The following VAPA variants were observed in gnomAD, a reference collection of about 807,000 sequenced individuals.
VAPA encodes the protein VAMP associated protein A, also known as vesicle-associated membrane protein-associated protein A.
A neutral mutation model predicts 25.6 loss-of-function variants in VAPA; 6 were observed. The observed-to-expected ratio is 0.23, with a 90% CI of 0.13 to 0.46. The LOEUF (loss-of-function observed/expected upper bound fraction) is 0.46. Ranked by LOEUF, VAPA falls within the 20% of genes least tolerant of loss-of-function variation. VAPA has a pLI of 0.99. For synonymous variants in VAPA, 112 were observed against 106.2 expected, an observed-to-expected ratio of 1.05 and a Z score of -0.34; for missense variants, 244 against 302.1, an observed-to-expected ratio of 0.81 and a Z score of 1.43.
At position 9,956,592 on chromosome 18, in the gene VAPA, G is replaced by C. The variant is rs2069553760; in HGVS notation, c.*2381G>C. The stretch of plus-strand genomic sequence containing the variant: ...GGAGATGCTCTGATTGTATAGGTGA[G>C]ACTCTGTTTCTGTTATTTTTAATTG... On this transcript the variant is annotated 3_prime_UTR_variant, in exon 6 of 6. Transcript: ENST00000400000. 6.6e-6 allele frequency: 1 copy of C among 152,552 alleles called. No individual in the cohort carries two copies. The highest frequency in any genetic ancestry group is 2.1e-4 in the South Asian group (1 of 4,834). 9.4% of individuals were successfully genotyped at this position (152,552 alleles called of 1,614,324 possible).
intron 1 of VAPA, among the ~76,000 whole-genome samples, chr18:9,916,072 A>G (rs767007120): frequency 3.3e-5 from 5 of 152,210 alleles, no homozygotes; most frequent in Non-Finnish European, 7.3e-5. Context: ...GTAAATTGCC[A>G]TTAGGGATTT....
At chr18:9,925,878 G>A (rs1422825873) in intron 1 of VAPA, among the ~76,000 whole-genome samples, 1 of 152,076 alleles carries the variant, frequency 6.6e-6, no homozygotes, top group Non-Finnish European at 1.5e-5. Flanking sequence ...TATTGTGGCA[G>A]AAGTCTACCT....
intron 1 of VAPA, among the ~76,000 whole-genome samples, chr18:9,929,614 T>C (rs1397845551): frequency 2.6e-5 from 4 of 152,190 alleles, no homozygotes; most frequent in African/African-American, 9.6e-5. Flanking sequence ...CTCACAAAAG[T>C]GGACCAGATA....
intron 4 of VAPA, chr18:9,948,601 C>T (rs909349267): frequency 2.0e-5 from 3 of 152,124 alleles, no homozygotes; most frequent in East Asian, 3.8e-4. Flanking sequence ...GATAGGGTCT[C>T]ACTCTCACCT....
intron 3 of VAPA, 141 bp from the exon 4 acceptor site, chr18:9,936,845 C>T (rs959060696): frequency 3.3e-6 from 2 of 607,976 alleles, no homozygotes; most frequent in Non-Finnish European, 5.9e-6. Context: ...ATAACAATGG[C>T]AGGGTGATCA....
chr18:9,950,198 T>C, intron 4 of VAPA, 197 bp from the exon 5 acceptor site: 1 of 546,866 alleles, frequency 1.8e-6, no homozygotes, highest in Non-Finnish European at 3.2e-6. Context: ...AGTGCTATGG[T>C]AGAGGTACGT....
chr18:9,949,174 G>T (rs1172166209), intron 4 of VAPA: 1 of 152,150 alleles, frequency 6.6e-6, no homozygotes, highest in African/African-American at 2.4e-5. Context: ...ATTGGTTGGG[G>T]TGGGAGAAAT....
rs755132773 is a variant in VAPA at position 9,950,558 on chromosome 18, G to A, written c.581G>A (p.Arg194Gln). 33 of 1,612,204 alleles carry A rather than the reference G, an allele frequency of 2.0e-5. No individual in the cohort carries two copies. The South Asian group carries it at 3.0e-4, about 15-fold the overall frequency. ...GEMMKLSEEN[R>Q]HLRDEGLRLR... is the part of the protein sequence containing the mutation. ...ATGATGAAGCTATCAGAAGAAAATC[G>A]GCACCTGAGAGTAAGTTCTGTTGGT... Residue 194 changes from arginine to glutamine, a missense_variant, in exon 5 of 6, where the codon CGG becomes CAG. Coordinates refer to ENST00000400000, the MANE Select transcript of VAPA (RefSeq NM_194434.3).
At chr18:9,933,808 G>T (rs1028667116) in intron 2 of VAPA, among the ~76,000 whole-genome samples, 7 of 152,194 alleles carry the variant, frequency 4.6e-5, no homozygotes, top group Non-Finnish European at 1.0e-4. Context: ...CAAATGCTGG[G>T]ATTACAGGCG....
intron 1 of VAPA, among the ~76,000 whole-genome samples, chr18:9,921,250 T>C (rs2143291022): frequency 6.6e-6 from 1 of 152,304 alleles, no homozygotes; most frequent in African/African-American, 2.4e-5. Context: ...CAAAATTTTG[T>C]ACTTCCAGAA....
At chr18:9,929,916 C>G (rs2069236464) in intron 1 of VAPA, among the ~76,000 whole-genome samples, 1 of 152,094 alleles carries the variant, frequency 6.6e-6, no homozygotes, top group Non-Finnish European at 1.5e-5. Flanking sequence ...ATATTATCAT[C>G]ATCTTTAGAT....
At chr18:9,923,187 A>G (rs1166056175) in intron 1 of VAPA, among the ~76,000 whole-genome samples, 2 of 152,184 alleles carry the variant, frequency 1.3e-5, no homozygotes, top group Non-Finnish European at 2.9e-5. Flanking sequence ...GTTATCACTA[A>G]TGTTTGATAC....
At chr18:9,943,360 T>A (rs1309570042) in intron 4 of VAPA, among the ~76,000 whole-genome samples, 1 of 152,152 alleles carries the variant, frequency 6.6e-6, no homozygotes, top group Non-Finnish European at 1.5e-5. Flanking sequence ...GACTCAATAT[T>A]TTTTCCTGGA....
rs879045183 is a variant in VAPA at position 9,958,350 on chromosome 18, C to T, written c.*4139C>T. Reference sequence around the variant, plus strand: ...ACAATTCCCTTCTAGTTATGCATATCCTCCTGTTGCCACATTTCTTGTTTT... The same window carrying T: ...ACAATTCCCTTCTAGTTATGCATATTCTCCTGTTGCCACATTTCTTGTTTT... On this transcript the variant is annotated 3_prime_UTR_variant, in exon 6 of 6. Coordinates refer to ENST00000400000, the MANE Select transcript of VAPA (RefSeq NM_194434.3). 13 of 152,268 alleles carry T rather than the reference C, an allele frequency of 8.5e-5. No individual in the cohort carries two copies. The highest frequency in any genetic ancestry group is 3.3e-4 in the Admixed American group (5 of 15,306). 9.4% of individuals were successfully genotyped at this position (152,268 alleles called of 1,614,324 possible). A position where few individuals can be genotyped will look rare whatever the true frequency, so the allele number is the denominator to read the frequency against.
chr18:9,916,380 G>A (rs2069112094), intron 1 of VAPA, among the ~76,000 whole-genome samples: 1 of 152,178 alleles, frequency 6.6e-6, no homozygotes, highest in Non-Finnish European at 1.5e-5. Context: ...CGTGTCTGAG[G>A]AAAGAAGCCC....
chr18:9,936,191 A>C lies in VAPA; in HGVS notation c.314A>C (p.Asn105Thr), dbSNP rs893008764. 3.1e-6 allele frequency: 5 copies of C among 1,604,020 alleles called. No homozygotes were observed. The highest frequency in any genetic ancestry group is 4.3e-6 in the Non-Finnish European group (5 of 1,174,988). ...GTACAGACAATTTTTGCTCCACCAAACACTTCAGATATGGAAGCTGTGGTA... is the reference window on the plus strand; with the variant it reads ...GTACAGACAATTTTTGCTCCACCAACCACTTCAGATATGGAAGCTGTGGTA... Reference protein sequence around the residue: ...FMVQTIFAPPNTSDMEAVWKE... With the variant: ...FMVQTIFAPPTTSDMEAVWKE... The change falls in exon 3 of 6, where the codon AAC (asparagine) becomes ACC (threonine). Residue 105 changes from asparagine to threonine, a missense_variant. This residue lies in a region of VAPA where 99 missense variants were observed against 161.6 expected (regional missense o/e 0.61). Coordinates refer to ENST00000400000, the MANE Select transcript of VAPA (RefSeq NM_194434.3).
At chr18:9,931,758 T>G (rs1014673293) in intron 1 of VAPA, 52 bp from the exon 2 acceptor site, 1 of 1,502,118 alleles carries the variant, frequency 6.7e-7, no homozygotes, top group African/African-American at 1.4e-5. Context: ...AATCCTTCGT[T>G]GTTGAGAATC....
intron 1 of VAPA, among the ~76,000 whole-genome samples, chr18:9,918,745 C>T (rs550357271): frequency 2.0e-5 from 3 of 152,130 alleles, no homozygotes; most frequent in African/African-American, 7.2e-5. Context: ...GCTACACCCC[C>T]AAGTCTGTTT....
intron 4 of VAPA, among the ~76,000 whole-genome samples, chr18:9,938,114 C>T (rs1372192032): frequency 2.6e-5 from 4 of 151,848 alleles, no homozygotes; most frequent in Admixed American, 6.5e-5. Flanking sequence ...TTTGCTTAGG[C>T]GGAGGGAAGC....
Sources: gnomAD v4.1 joint callset for allele counts (sites outside exome capture counted in the v4.1 genomes callset) on GRCh38, gnomAD v4.1.1 for gene constraint, gnomAD v4.1.1 regional missense constraint, MANE v1.5 for transcripts, NCBI Gene and HGNC (gene_info 2026-07-23, HGNC 2026-07-21) for gene names.